Variants in UBASH3A observed in about 807,000 individuals in gnomAD.
The protein encoded by UBASH3A is ubiquitin associated and SH3 domain containing A, also known as ubiquitin-associated and SH3 domain-containing protein A.
In UBASH3A, 63 loss-of-function variants were observed where a neutral mutation model predicts 73.5. The ratio of observed to expected loss-of-function variants is 0.86; its 90% confidence interval spans 0.70 to 1.06. UBASH3A has a LOEUF of 1.06. Ranked by LOEUF, UBASH3A falls within the 50% of genes least tolerant of loss-of-function variation. The pLI, the probability that UBASH3A is intolerant of heterozygous loss-of-function variation, is 0.00. For synonymous variants in UBASH3A, 363 were observed against 351.1 expected (o/e 1.03, Z -0.38); for missense variants, 860 against 859.0 (o/e 1.00, Z -0.02).
At chr21:42,446,889 G>A (rs191872291) in intron 14 of UBASH3A, among the ~76,000 whole-genome samples, 168 bp from the exon 15 acceptor site, 3 of 152,312 alleles carry the variant, frequency 2.0e-5, no homozygotes, top group Non-Finnish European at 2.9e-5. Flanking sequence ...CATCCCCCAC[G>A]GGGCACCGCC....
At chr21:42,415,573 C>A (rs1177539093) in intron 5 of UBASH3A, among the ~76,000 whole-genome samples, 1 of 152,204 alleles carries the variant, frequency 6.6e-6, no homozygotes, top group Non-Finnish European at 1.5e-5. Flanking sequence ...GGAGTGGGGG[C>A]AGGGTACGTC....
intron 5 of UBASH3A, among the ~76,000 whole-genome samples, chr21:42,415,085 C>T (rs763017668): frequency 4.6e-5 from 7 of 152,176 alleles, no homozygotes; most frequent in African/African-American, 1.2e-4. Context: ...CTGAAGTGGC[C>T]GAGGTCCCTC....
chr21:42,412,693 G>A (rs1261481625), intron 3 of UBASH3A, among the ~76,000 whole-genome samples: 2 of 152,174 alleles, frequency 1.3e-5, no homozygotes, highest in African/African-American at 2.4e-5. Context: ...GCAAAGCAGT[G>A]TGCCATGGGA....
chr21:42,404,047 G>T lies in UBASH3A; in HGVS notation c.102G>T (p.Pro34=). The change falls in exon 1 of 15, where the codon CCG becomes CCT. Residue 34 remains proline (P), a synonymous_variant. Coordinates refer to ENST00000319294, the MANE Select transcript of UBASH3A (RefSeq NM_018961.4). ...LLEPLLAMGF[P]VHTALKALAA... Reference sequence around the variant, plus strand: ...AGCCCCTCCTGGCCATGGGCTTCCCGGTGCACACCGCGTGAGTACTGCCCA... The same window carrying T: ...AGCCCCTCCTGGCCATGGGCTTCCCTGTGCACACCGCGTGAGTACTGCCCA... 1 of 1,519,214 alleles carries T rather than the reference G, an allele frequency of 6.6e-7. No individual in the cohort carries two copies. The highest frequency in any genetic ancestry group is 8.9e-7 in the Non-Finnish European group (1 of 1,128,434). The allele number at this position is 1,519,214 out of a possible 1,614,324, so 94.1% of individuals were successfully genotyped here.
intron 14 of UBASH3A, among the ~76,000 whole-genome samples, chr21:42,445,739 C>T (rs1215555512): frequency 1.3e-5 from 2 of 152,224 alleles, no homozygotes; most frequent in East Asian, 3.8e-4. Flanking sequence ...AAACATGCTT[C>T]CCCTGCAAAA....
chr21:42,426,555 G>A (rs995985854), intron 7 of UBASH3A, 142 bp from the exon 8 acceptor site: 43 of 868,632 alleles, frequency 5.0e-5, no homozygotes, highest in Middle Eastern at 2.6e-4. Flanking sequence ...CTTTGCACAC[G>A]CTACTTCATT....
chr21:42,410,903 A>G (rs1472558983), intron 3 of UBASH3A, among the ~76,000 whole-genome samples: 1 of 152,164 alleles, frequency 6.6e-6, no homozygotes, highest in Admixed American at 6.5e-5. Flanking sequence ...ATACAGACAT[A>G]CATAGATATA....
chr21:42,431,757 T>C (rs763907160), intron 8 of UBASH3A, among the ~76,000 whole-genome samples: 3 of 152,180 alleles, frequency 2.0e-5, no homozygotes, highest in Non-Finnish European at 4.4e-5. Flanking sequence ...CATATTATAA[T>C]ATAGATAGGG....
chr21:42,416,124 G>A (rs1406364218), intron 5 of UBASH3A, among the ~76,000 whole-genome samples: 1 of 152,078 alleles, frequency 6.6e-6, no homozygotes, highest in African/African-American at 2.4e-5. Context: ...GCAAGTCCAG[G>A]CCACTGGGTA....
chr21:42,447,252 G>T lies in UBASH3A; in HGVS notation c.*58G>T, dbSNP rs1601611892. 5 of 1,552,542 alleles carry T rather than the reference G, an allele frequency of 3.2e-6. No individual in the cohort carries two copies. Among genetic ancestry groups the T allele is most frequent in the Non-Finnish European group, 4.4e-6 (5 of 1,145,906 alleles). On this transcript the variant is annotated 3_prime_UTR_variant, in exon 15 of 15. Coordinates refer to ENST00000319294, the MANE Select transcript of UBASH3A (RefSeq NM_018961.4). ...GGAGAGGCAGAAACCATGTGCAGAG[G>T]CTGGGAGATGCTGCTGTTTCCAGAG...
intron 11 of UBASH3A, among the ~76,000 whole-genome samples, chr21:42,442,114 G>T (rs1322499062): frequency 6.6e-6 from 1 of 152,110 alleles, no homozygotes; most frequent in East Asian, 1.9e-4. Flanking sequence ...GCAGCCGGTG[G>T]GCTGGTTTCA....
chr21:42,436,203 A>G (rs1206073913), intron 10 of UBASH3A, among the ~76,000 whole-genome samples: 1 of 152,190 alleles, frequency 6.6e-6, no homozygotes, highest in Non-Finnish European at 1.5e-5. Flanking sequence ...TTATAGAGCT[A>G]TAGAGTCATA....
In UBASH3A at chr21:42,413,007, T is replaced by C. The variant is rs958614344; in HGVS notation, c.355-17T>C. ...ATGAGAGGTGTGGAAACACAGGCTC[T>C]GTCTCTGTCCCCTTAGTGTGAAGAC... On this transcript the variant is annotated splice_polypyrimidine_tract_variant and intron_variant, in intron 3 of 14. Transcript: ENST00000319294. The surrounding 1 kb of genome is among the most constrained non-coding windows in gnomAD (Gnocchi z 4.5). The C allele has an allele frequency of 3.7e-6, 6 of 1,606,954 alleles. No individual in the cohort carries two copies. Among genetic ancestry groups the C allele is most frequent in the African/African-American group, 1.3e-5 (1 of 74,722 alleles).
intron 14 of UBASH3A, among the ~76,000 whole-genome samples, chr21:42,445,314 G>A (rs2053826197): frequency 1.3e-5 from 2 of 152,230 alleles, no homozygotes; most frequent in South Asian, 4.1e-4. Context: ...CCACAGTCCT[G>A]ACCTTTTTAT....
intron 2 of UBASH3A, 44 bp from the exon 3 acceptor site, chr21:42,409,376 CTT>C (rs773809533): frequency 6.7e-7 from 1 of 1,503,518 alleles, no homozygotes; most frequent in Admixed American, 2.3e-5. Context: ...GGGGAAAACT[CTT>C]TTTGTTGTGA....
At chr21:42,425,536 T>C (rs576371379) in intron 7 of UBASH3A, among the ~76,000 whole-genome samples, 10 of 152,384 alleles carry the variant, frequency 6.6e-5, no homozygotes, top group African/African-American at 2.4e-4. Flanking sequence ...CCAATGAGAC[T>C]ATCTATATTC....
At position 42,426,224 on chromosome 21, in the gene UBASH3A, G is replaced by A. The variant is rs73905655; in HGVS notation, c.1047-473G>A. Among the ~76,000 whole-genome samples the A allele has an allele frequency of 8.8e-3, 1,346 of 152,230 alleles. 22 individuals are homozygous for A. The highest frequency in any genetic ancestry group is 0.031 in the African/African-American group (1,276 of 41,526). ...TGAGACCCACTCACAGTGATGTGTC[G>A]AGACATTCAAGGACCATTTTCTGAT... On this transcript the variant is annotated intron_variant, in intron 7 of 14. Transcript: ENST00000319294.
Position 42,416,534 on chromosome 21 carries a change from A to G in UBASH3A, c.760A>G (p.Arg254Gly). The G allele has an allele frequency of 6.2e-7, 1 of 1,611,396 alleles. No individual in the cohort carries two copies. The highest frequency in any genetic ancestry group is 1.1e-5 in the South Asian group (1 of 90,504). ...CCAGAGGACGCTGGAGCAGCTGGCC[A>G]GAGCCATCCCCCTGGGCCACAGCTG... ...HHQRTLEQLA[R>G]AIPLGHSCQW... Residue 254 changes from arginine (R) to glycine (G), a missense_variant, in exon 6 of 15, where the codon AGA (arginine) becomes GGA (glycine). Physicochemically the swap from Arg to Gly is moderately radical, Grantham distance 125 (BLOSUM62 -2). Coordinates refer to ENST00000319294, the MANE Select transcript of UBASH3A (RefSeq NM_018961.4).
chr21:42,431,397 G>A (rs918149270), intron 8 of UBASH3A, among the ~76,000 whole-genome samples: 3 of 152,272 alleles, frequency 2.0e-5, no homozygotes, highest in African/African-American at 2.4e-5. Context: ...GCCATCCTGC[G>A]GCTGCCTGAG....
Sources: allele counts gnomAD v4.1 joint callset (sites outside exome capture counted in the v4.1 genomes callset), GRCh38; gene constraint gnomAD v4.1.1; non-coding constraint Gnocchi (gnomAD v3.1); transcripts MANE v1.5; gene names NCBI Gene and HGNC (gene_info 2026-07-23, HGNC 2026-07-21).